The following SGCD variants were observed in gnomAD, a reference collection of about 807,000 sequenced individuals.
SGCD encodes delta-sarcoglycan.
In SGCD, 18 loss-of-function variants were observed where a neutral mutation model predicts 36.6. The observed-to-expected ratio is 0.49, with a 90% CI of 0.34 to 0.73. The LOEUF (loss-of-function observed/expected upper bound fraction) is 0.73, where lower values mean the gene tolerates loss of function less well. Among genes scored for constraint, SGCD ranks in the 30% least tolerant of loss-of-function variants. The probability of loss-of-function intolerance (pLI) is 0.01; values close to 1 mark genes in which losing one functional copy is unlikely to be tolerated. For missense variants in SGCD, 387 were observed against 346.7 expected (o/e 1.12, Z -0.92); for synonymous variants, 133 against 130.6 (o/e 1.02, Z -0.12).
intron 1 of SGCD, among the ~76,000 whole-genome samples, chr5:156,080,381 A>C (rs1760919796): frequency 6.6e-6 from 1 of 152,186 alleles, no homozygotes; most frequent in African/African-American, 2.4e-5. Context: ...TTTTAGGTAT[A>C]CAAATTTCTG....
intron 1 of SGCD, among the ~76,000 whole-genome samples, chr5:155,911,594 T>C (rs1200754492): frequency 6.6e-6 from 1 of 152,060 alleles, no homozygotes; most frequent in Non-Finnish European, 1.5e-5. Context: ...CCCCATGTGA[T>C]GGCCACCATA....
intron 1 of SGCD, among the ~76,000 whole-genome samples, chr5:156,022,284 T>A (rs1391413482): frequency 6.6e-5 from 10 of 152,350 alleles, no homozygotes; most frequent in Non-Finnish European, 7.3e-5. Context: ...TATTGTGATT[T>A]CATAAGCTTC....
rs757678815 is a variant in SGCD at position 156,229,297 on chromosome 5, T to TACACATATATATATATATATAAAA, written c.-43-100236_-43-100235insCACATATATATATATATATAAAAA. 6.0e-4 allele frequency among the ~76,000 whole-genome samples: 72 copies of TACACATATATATATATATATAAAA among 119,864 alleles called. 3 individuals are homozygous for TACACATATATATATATATATAAAA. The highest frequency in any genetic ancestry group is 2.0e-3 in the African/African-American group (61 of 31,262). The allele number at this position is 119,864 out of a possible 152,430, so 78.6% of individuals were successfully genotyped here. On this transcript the variant is annotated intron_variant, in intron 3 of 9. Coordinates refer to the SGCD transcript ENST00000517913. ...ACATACATATATATATATATATATA[T>TACACATATATATATATATATAAAA]ATAAAATTAGTTCTTCCATTGGTTC...
intron 1 of SGCD, among the ~76,000 whole-genome samples, chr5:156,012,162 T>C (rs1201027008): frequency 2.0e-5 from 3 of 152,258 alleles, no homozygotes; most frequent in East Asian, 1.9e-4. Context: ...CTAAATGTCA[T>C]ATATACTTTA....
chr5:155,764,445 T>C, the SGCD span, among the ~76,000 whole-genome samples: 56 of 152,286 alleles, frequency 3.7e-4, no homozygotes, highest in African/African-American at 1.3e-3. Context: ...GAGCTGTGGG[T>C]CATCTGTGCT....
At chr5:156,128,983 G>A (rs1399471539) in intron 3 of SGCD, among the ~76,000 whole-genome samples, 2 of 152,158 alleles carry the variant, frequency 1.3e-5, no homozygotes, top group Non-Finnish European at 2.9e-5. Context: ...ATAATTTTAT[G>A]TATATGAAAT....
chr5:155,982,710 A>G (rs1758252450), intron 1 of SGCD, among the ~76,000 whole-genome samples: 1 of 152,200 alleles, frequency 6.6e-6, no homozygotes, highest in African/African-American at 2.4e-5. Context: ...CGCATGCCTG[A>G]ACTCTGGGCT....
chr5:155,900,756 T>A (rs1421054687), intron 1 of SGCD, among the ~76,000 whole-genome samples: 2 of 152,242 alleles, frequency 1.3e-5, no homozygotes, highest in Middle Eastern at 3.4e-3. Context: ...AAGGAGTATA[T>A]AATCCTTTGA....
intron 3 of SGCD, among the ~76,000 whole-genome samples, chr5:156,125,182 G>T (rs567667029): frequency 6.6e-6 from 1 of 152,246 alleles, no homozygotes; most frequent in East Asian, 1.9e-4. Context: ...AAAAAAGAAA[G>T]AAAAATAATC....
At chr5:156,335,119 T>C (rs1430600706) in intron 2 of SGCD, among the ~76,000 whole-genome samples, 1 of 152,196 alleles carries the variant, frequency 6.6e-6, no homozygotes, top group Admixed American at 6.5e-5. Context: ...TATGCACTTG[T>C]GTATCTGCTA....
At chr5:156,379,333 A>G (rs1326928849) in intron 3 of SGCD, among the ~76,000 whole-genome samples, 1 of 152,198 alleles carries the variant, frequency 6.6e-6, no homozygotes, top group African/African-American at 2.4e-5. Context: ...TAGGATACTG[A>G]GTAAATATCT....
At chr5:156,267,123 G>A (rs1766020926) in intron 3 of SGCD, among the ~76,000 whole-genome samples, 1 of 152,104 alleles carries the variant, frequency 6.6e-6, no homozygotes, top group Non-Finnish European at 1.5e-5. Context: ...TAAGATGGGG[G>A]TATCAAATGT....
intron 3 of SGCD, among the ~76,000 whole-genome samples, chr5:156,422,833 A>G (rs1211027797): frequency 6.6e-6 from 1 of 151,962 alleles, no homozygotes; most frequent in African/African-American, 2.4e-5. Flanking sequence ...CTTGTTGGGC[A>G]GTTGTTCCCT....
At chr5:156,185,708 A>G (rs1763725821) in intron 3 of SGCD, among the ~76,000 whole-genome samples, 1 of 151,188 alleles carries the variant, frequency 6.6e-6, no homozygotes, top group African/African-American at 2.4e-5. Flanking sequence ...ATTTATTTTT[A>G]ACACTTTTCA....
intron 7 of SGCD, among the ~76,000 whole-genome samples, chr5:156,696,761 T>C (rs1754332471): frequency 6.6e-6 from 1 of 152,124 alleles, no homozygotes; most frequent in South Asian, 2.1e-4. Context: ...CTTCCTGCCT[T>C]GGCCTCCCAA....
intron 1 of SGCD, among the ~76,000 whole-genome samples, chr5:156,044,834 C>G (rs1759722824): frequency 6.6e-6 from 1 of 152,084 alleles, no homozygotes; most frequent in African/African-American, 2.4e-5. Flanking sequence ...TTGTGTATAT[C>G]TTTCCAGGTG....
intron 1 of SGCD, among the ~76,000 whole-genome samples, chr5:155,926,985 A>G (rs891829986): frequency 6.6e-6 from 1 of 152,156 alleles, no homozygotes; most frequent in Non-Finnish European, 1.5e-5. Flanking sequence ...CATCTAGTGG[A>G]CAAAGATCAA....
intron 7 of SGCD, among the ~76,000 whole-genome samples, chr5:156,698,881 A>ACG (rs3077707): frequency 6.6e-6 from 1 of 150,538 alleles, no homozygotes; most frequent in Non-Finnish European, 1.5e-5. Context: ...ACACACACAC[A>ACG]GCATTTAGTA....
At chr5:156,392,210 C>T (rs1327084087) in intron 3 of SGCD, among the ~76,000 whole-genome samples, 1 of 152,198 alleles carries the variant, frequency 6.6e-6, no homozygotes, top group East Asian at 1.9e-4. Flanking sequence ...CCCATCCATA[C>T]ATTCAACAAG....
Sources: allele counts gnomAD v4.1 joint callset (sites outside exome capture counted in the v4.1 genomes callset), GRCh38; gene constraint gnomAD v4.1.1; transcripts MANE v1.5; gene names NCBI Gene and HGNC (gene_info 2026-07-23, HGNC 2026-07-21).